KAZN: variants seen among roughly 807,000 people sequenced by gnomAD.
KAZN encodes kazrin, periplakin interacting protein.
A neutral mutation model predicts 87.4 loss-of-function variants in KAZN; 40 were observed. The observed-to-expected ratio is 0.46, with a 90% CI of 0.36 to 0.60. The LOEUF is 0.60. Ranked by LOEUF, KAZN falls within the 20% of genes least tolerant of loss-of-function variation. KAZN has a pLI of 0.00. For missense variants in KAZN, 898 were observed against 1,073.9 expected (o/e 0.84, Z 2.29); for synonymous variants, 466 against 458.3 (o/e 1.02, Z -0.22).
chr1:14,471,400 G>A (rs1668445507), intron 2 of KAZN, among the ~76,000 whole-genome samples: 2 of 152,148 alleles, frequency 1.3e-5, no homozygotes, highest in Admixed American at 1.3e-4. Flanking sequence ...CAAAGAAAAT[G>A]GTGTTTTTGT....
chr1:14,358,358 T>TA (rs1164928550), intron 2 of KAZN, among the ~76,000 whole-genome samples: 61 of 136,828 alleles, frequency 4.5e-4, no homozygotes, highest in South Asian at 2.7e-3. Context: ...TGTAAATCTT[T>TA]TAAAAAAAAA....
At chr1:14,934,485 G>A (rs901126787) in intron 1 of KAZN, among the ~76,000 whole-genome samples, 11 of 152,218 alleles carry the variant, frequency 7.2e-5, no homozygotes, top group African/African-American at 9.6e-5. Context: ...GATTACAGGC[G>A]TGAGCCACTG....
At chr1:14,905,993 C>T (rs1460651820) in intron 1 of KAZN, among the ~76,000 whole-genome samples, 2 of 151,278 alleles carry the variant, frequency 1.3e-5, no homozygotes, top group Non-Finnish European at 2.9e-5. Context: ...ACGGTGAGAC[C>T]CCGTCTCTAC....
chr1:13,909,513 T>G (rs938514205), intron 1 of KAZN, among the ~76,000 whole-genome samples: 5 of 151,962 alleles, frequency 3.3e-5, no homozygotes, highest in African/African-American at 1.2e-4. Context: ...TCAGCCAGGG[T>G]TTCCCCCACA....
intron 2 of KAZN, among the ~76,000 whole-genome samples, chr1:14,219,576 A>G (rs1647047238): frequency 1.3e-5 from 2 of 152,198 alleles, no homozygotes; most frequent in Non-Finnish European, 2.9e-5. Context: ...TTCATTCTAC[A>G]AATATTTCAT....
intron 2 of KAZN, among the ~76,000 whole-genome samples, chr1:14,970,970 T>G (rs1046684185): frequency 9.9e-5 from 15 of 152,206 alleles, no homozygotes; most frequent in African/African-American, 3.6e-4. Flanking sequence ...AGCATGTATT[T>G]AGCACTTGGA....
chr1:14,163,337 T>C (rs1376843073), intron 1 of KAZN, among the ~76,000 whole-genome samples: 1 of 152,210 alleles, frequency 6.6e-6, no homozygotes, highest in African/African-American at 2.4e-5. Flanking sequence ...TTTTCATACA[T>C]TGGCATAGTT....
At chr1:14,625,515 A>G (rs922746487) in intron 1 of KAZN, among the ~76,000 whole-genome samples, 1 of 152,204 alleles carries the variant, frequency 6.6e-6, no homozygotes, top group African/African-American at 2.4e-5. Context: ...AAAGCCCCAA[A>G]GAGGCTTGAC....
intron 2 of KAZN, among the ~76,000 whole-genome samples, chr1:14,361,054 T>A (rs1571392334): frequency 6.6e-6 from 1 of 152,170 alleles, no homozygotes; most frequent in Non-Finnish European, 1.5e-5. Context: ...TTGCCCCAGG[T>A]GCTCTGTCCC....
chr1:14,697,429 C>A (rs1399476241), intron 1 of KAZN, among the ~76,000 whole-genome samples: 1 of 152,198 alleles, frequency 6.6e-6, no homozygotes, highest in Non-Finnish European at 1.5e-5. Context: ...CAATGACCTC[C>A]TGTCCGTAAG....
intron 2 of KAZN, among the ~76,000 whole-genome samples, chr1:14,443,138 A>G (rs1666788993): frequency 6.6e-6 from 1 of 152,224 alleles, no homozygotes. Flanking sequence ...GGCTCTTCCA[A>G]ACGTGATCTG....
intron 1 of KAZN, among the ~76,000 whole-genome samples, chr1:14,681,611 GTGTATA>G (rs1324699903): frequency 0.043 from 1,442 of 33,768 alleles, 32 homozygotes; most frequent in Middle Eastern, 0.083. Flanking sequence ...ATATGTATAT[GTGTATA>G]TATATATATA....
At chr1:14,665,603 A>G (rs1197963037) in intron 1 of KAZN, among the ~76,000 whole-genome samples, 1 of 151,946 alleles carries the variant, frequency 6.6e-6, no homozygotes, top group African/African-American at 2.4e-5. Flanking sequence ...CTGTAGGCCA[A>G]CTCCAGGCCT....
At position 13,964,589 on chromosome 1, in the gene KAZN, A is replaced by G. The variant is rs111578711; in HGVS notation, c.91+70833A>G. 9.7e-3 allele frequency among the ~76,000 whole-genome samples: 1,469 copies of G among 152,178 alleles called. 26 individuals carry two copies. The highest frequency in any genetic ancestry group is 0.034 in the African/African-American group (1,399 of 41,516). On this transcript the variant is annotated intron_variant, in intron 1 of 16. Coordinates refer to the KAZN transcript ENST00000636203. ...CTCTGTTCTTTAAACGTAGTCTCTC[A>G]TGCTCCAGCAGGCCACCCCAGGCTT...
intron 1 of KAZN, among the ~76,000 whole-genome samples, chr1:14,154,027 T>C (rs1645535642): frequency 2.6e-5 from 4 of 152,202 alleles, no homozygotes; most frequent in Admixed American, 2.6e-4. Flanking sequence ...ATTTTTTTTC[T>C]ACTTATGTGA....
intron 2 of KAZN, among the ~76,000 whole-genome samples, chr1:14,414,047 G>A (rs1037489889): frequency 6.6e-6 from 1 of 152,210 alleles, no homozygotes. Context: ...CAGGCAGGAA[G>A]CCAAGGTGGA....
At chr1:14,705,009 T>A (rs1642138526) in intron 1 of KAZN, among the ~76,000 whole-genome samples, 1 of 152,190 alleles carries the variant, frequency 6.6e-6, no homozygotes, top group African/African-American at 2.4e-5. Flanking sequence ...TATTAGTCAT[T>A]TGCCATAACA....
chr1:14,500,348 C>T (rs1280353005), intron 2 of KAZN, among the ~76,000 whole-genome samples: 2 of 152,168 alleles, frequency 1.3e-5, no homozygotes, highest in African/African-American at 2.4e-5. Flanking sequence ...ACACAGAACA[C>T]TTGCAGAAAC....
chr1:14,065,747 G>A (rs542019071), intron 1 of KAZN, among the ~76,000 whole-genome samples: 1 of 152,264 alleles, frequency 6.6e-6, no homozygotes, highest in African/African-American at 2.4e-5. Flanking sequence ...GTGCATCTTT[G>A]TTGTGAATAA....
Sources: gnomAD v4.1 joint callset for allele counts (sites outside exome capture counted in the v4.1 genomes callset) on GRCh38, gnomAD v4.1.1 for gene constraint, MANE v1.5 for transcripts, NCBI Gene and HGNC (gene_info 2026-07-23, HGNC 2026-07-21) for gene names.